Variants in DIPK1B observed in about 807,000 individuals in gnomAD.
DIPK1B encodes the protein family with sequence similarity 69 member B.
In DIPK1B, 17 loss-of-function variants were observed where a neutral mutation model predicts 20.7. The observed-to-expected ratio is 0.82, with a 90% CI of 0.56 to 1.23. The LOEUF is 1.23. Among genes scored for constraint, DIPK1B ranks in the 50% most tolerant of loss-of-function variants. DIPK1B has a pLI of 0.00. For synonymous variants in DIPK1B, 343 were observed against 276.5 expected, an observed-to-expected ratio of 1.24 and a Z score of -2.39; for missense variants, 648 against 601.8, an observed-to-expected ratio of 1.08 and a Z score of -0.80.
At position 136,723,384 on chromosome 9, in the gene DIPK1B, C is replaced by T. The variant is rs6874; in HGVS notation, c.906C>T (p.Asn302=). Reference sequence around the variant, plus strand: ...ACATGTGTGAGACCACACTGGCCAACGTGGGCTACACAGCCACCTACGACT... The same window carrying T: ...ACATGTGTGAGACCACACTGGCCAATGTGGGCTACACAGCCACCTACGACT... ...TFYMCETTLA[N]VGYTATYDFK... is the part of the protein sequence containing the mutation. The change falls in exon 5 of 5, where the codon AAC becomes AAT. Residue 302 remains asparagine, a synonymous_variant. Coordinates refer to ENST00000371692, the MANE Select transcript of DIPK1B (RefSeq NM_152421.4). 0.11 allele frequency: 177,573 copies of T among 1,613,244 alleles called. 10,510 individuals carry two copies. Among genetic ancestry groups the T allele is most frequent in the Non-Finnish European group, 0.12 (145,130 of 1,179,798 alleles).
chr9:136,717,542 G>A lies in DIPK1B; in HGVS notation c.64-35G>A, dbSNP rs751504576. 1.4e-5 allele frequency: 23 copies of A among 1,588,164 alleles called. No individual in the cohort carries two copies. In the East Asian group the frequency reaches 2.3e-4, roughly 16 times the overall value. Reference sequence around the variant, plus strand: ...AGAGCACCCTGAGCCTGGGTGCCCCGAGGGCACCTCCTCACGCAGCCCCTT... The same window carrying A: ...AGAGCACCCTGAGCCTGGGTGCCCCAAGGGCACCTCCTCACGCAGCCCCTT... On this transcript the variant is annotated intron_variant, in intron 1 of 4. Transcript: ENST00000371692.
chr9:136,720,499 ATCCC>A (rs1846581468), intron 2 of DIPK1B, among the ~76,000 whole-genome samples: 2 of 151,942 alleles, frequency 1.3e-5, no homozygotes, highest in Admixed American at 1.3e-4. Context: ...GGCCAGCTCC[ATCCC>A]TCCATCACCT....
In DIPK1B at chr9:136,723,657, G is replaced by A; in HGVS notation, c.1179G>A (p.Leu393=). The A allele has an allele frequency of 1.3e-6, 2 of 1,558,798 alleles. No individual in the cohort carries two copies. Among genetic ancestry groups the A allele is most frequent in the Non-Finnish European group, 8.7e-7 (1 of 1,154,878 alleles). ...ADLREELGTQ[L]RTCTTLSGLA... ...TCCGCGAGGAGCTGGGCACACAGCT[G>A]CGCACCTGTACCACGCTGAGCGGGC... The change falls in exon 5 of 5, where the codon CTG becomes CTA. Residue 393 remains leucine (L), a synonymous_variant. Coordinates refer to ENST00000371692, the MANE Select transcript of DIPK1B (RefSeq NM_152421.4).
rs1214132520 is a variant in DIPK1B, at chr9:136,712,709, C to G, written c.44C>G (p.Pro15Arg). The change falls in exon 1 of 5, where the codon CCC becomes CGC. Residue 15 changes from proline (P) to arginine (R), a missense_variant. Pro to Arg is a moderately radical substitution (Grantham distance 103). Transcript: ENST00000371692. The surrounding 1 kb of genome is among the most constrained non-coding windows in gnomAD (Gnocchi z 5.6). ...CTGGCGCACCTGGTGCTCTTCTGCC[C>G]CTTCTCCAAGCGCCTGCAGGTAAGC... ...RRLAHLVLFC[P>R]FSKRLQGRLP... 65 of 1,368,846 alleles carry G rather than the reference C, an allele frequency of 4.7e-5. No homozygotes were observed. Among genetic ancestry groups the G allele is most frequent in the Non-Finnish European group, 5.8e-5 (62 of 1,062,388 alleles). The allele number at this position is 1,368,846 out of a possible 1,614,324, so 84.8% of individuals were successfully genotyped here. A position where few individuals can be genotyped will look rare whatever the true frequency, so the allele number is the denominator to read the frequency against.
At chr9:136,715,062 G>C (rs1846477643) in intron 1 of DIPK1B, among the ~76,000 whole-genome samples, 1 of 152,260 alleles carries the variant, frequency 6.6e-6, no homozygotes, top group Non-Finnish European at 1.5e-5. Flanking sequence ...GTGGGGGTGT[G>C]GCCAGGCGCT....
Position 136,723,934 on chromosome 9 carries a change from C to A in DIPK1B, c.*160C>A. On this transcript the variant is annotated 3_prime_UTR_variant, in exon 5 of 5. Transcript: ENST00000371692. ...GGATTCCAGCACCACAGACATGAGA[C>A]CCCAGCTCGGAGCAAAGGCGGACAT... The A allele has an allele frequency of 2.6e-6, 2 of 756,788 alleles. No individual in the cohort carries two copies. Among genetic ancestry groups the A allele is most frequent in the Non-Finnish European group, 4.2e-6 (2 of 479,438 alleles). 46.9% of individuals were successfully genotyped at this position (756,788 alleles called of 1,614,324 possible).
intron 4 of DIPK1B, 83 bp downstream of exon 4, chr9:136,722,384 C>A: frequency 1.4e-6 from 2 of 1,466,588 alleles, no homozygotes; most frequent in Non-Finnish European, 1.8e-6. Flanking sequence ...CCAACATGCC[C>A]AGCGCAAAGG....
intron 1 of DIPK1B, among the ~76,000 whole-genome samples, chr9:136,714,568 G>A (rs189098552): frequency 2.3e-4 from 35 of 152,326 alleles, no homozygotes; most frequent in Admixed American, 7.2e-4. Flanking sequence ...CCTTGGGCAC[G>A]TTCACCCCAG....
intron 2 of DIPK1B, chr9:136,721,608 T>G: frequency 9.5e-6 from 3 of 316,812 alleles, no homozygotes; most frequent in Non-Finnish European, 1.8e-5. Context: ...GGCCCTGGCG[T>G]GGGGTCGACA....
Position 136,712,630 on chromosome 9 carries a change from G to T in DIPK1B, c.-36G>T. 9.3e-7 allele frequency: 1 copy of T among 1,070,642 alleles called. No individual in the cohort carries two copies. The allele number at this position is 1,070,642 out of a possible 1,614,324, so 66.3% of individuals were successfully genotyped here. A position where few individuals can be genotyped will look rare whatever the true frequency, so the allele number is the denominator to read the frequency against. ...CCGGGCCGGGGCTGAGGCCGAGCGAGCCGCGGGGCCCGCGCAGCCCCGGCC... is the reference window on the plus strand; with the variant it reads ...CCGGGCCGGGGCTGAGGCCGAGCGATCCGCGGGGCCCGCGCAGCCCCGGCC... On this transcript the variant is annotated 5_prime_UTR_variant, in exon 1 of 5. Transcript: ENST00000371692. This position sits in a 1 kb window ranked among gnomAD's most constrained non-coding sequence, Gnocchi z 5.6.
chr9:136,723,891 C>T lies in DIPK1B; in HGVS notation c.*117C>T. ...ATGCAACTGTGTTGCAAAATCACTC[C>T]CCTACCGTCAGGGCTCTGGATTCCA... is the stretch of plus-strand genomic sequence containing the variant. On this transcript the variant is annotated 3_prime_UTR_variant, in exon 5 of 5. Coordinates refer to ENST00000371692, the MANE Select transcript of DIPK1B (RefSeq NM_152421.4). The T allele has an allele frequency of 1.8e-6, 2 of 1,083,578 alleles. No individual in the cohort carries two copies. The highest frequency in any genetic ancestry group is 2.6e-6 in the Non-Finnish European group (2 of 768,976). 67.1% of individuals were successfully genotyped at this position (1,083,578 alleles called of 1,614,324 possible).
intron 1 of DIPK1B, 47 bp from the exon 2 acceptor site, chr9:136,717,530 C>G (rs2131041690): frequency 1.9e-6 from 3 of 1,577,800 alleles, no homozygotes; most frequent in South Asian, 2.3e-5. Flanking sequence ...GCACCCTGAG[C>G]CTGGGTGCCC....
rs1564312956 is a variant in DIPK1B at position 136,724,531 on chromosome 9, A to G, written c.*757A>G. 1 of 152,270 alleles carries G rather than the reference A, an allele frequency of 6.6e-6. No homozygotes were observed. The highest frequency in any genetic ancestry group is 1.9e-4 in the East Asian group (1 of 5,196). 9.4% of individuals were successfully genotyped at this position (152,270 alleles called of 1,614,324 possible). ...GCAAGGACCCTCGTGGGAAGATCCC[A>G]CCACAGCAACACCTTTCTTCAGGGC... On this transcript the variant is annotated 3_prime_UTR_variant, in exon 5 of 5. Transcript: ENST00000371692.
At chr9:136,714,064 G>A (rs893932728) in intron 1 of DIPK1B, among the ~76,000 whole-genome samples, 1 of 152,234 alleles carries the variant, frequency 6.6e-6, no homozygotes, top group Admixed American at 6.5e-5. Context: ...CCGTCCATCT[G>A]TGCCAGGCCC....
Position 136,724,001 on chromosome 9 carries a change from C to T in DIPK1B, c.*227C>T. ...GAGTCCTCCAAGGGGGTTTGTTACT[C>T]TGAAGAACGTAATGTCAATAAACAG... On this transcript the variant is annotated 3_prime_UTR_variant, in exon 5 of 5. Coordinates refer to ENST00000371692, the MANE Select transcript of DIPK1B (RefSeq NM_152421.4). The T allele has an allele frequency of 1.7e-6, 1 of 582,196 alleles. No homozygotes were observed. The highest frequency in any genetic ancestry group is 3.1e-6 in the Non-Finnish European group (1 of 326,802). The allele number at this position is 582,196 out of a possible 1,614,324, so 36.1% of individuals were successfully genotyped here.
rs1846649416 is a variant in DIPK1B at position 136,723,410 on chromosome 9, T to TC, written c.933dup (p.Lys312GlnfsTer40). The TC allele has an allele frequency of 6.2e-7, 1 of 1,612,644 alleles. No homozygotes were observed. Among genetic ancestry groups the TC allele is most frequent in the Non-Finnish European group, 8.5e-7 (1 of 1,179,596 alleles). ...GTGGGCTACACAGCCACCTACGACT[T>TC]CAAGATGGCCGACCTGCAGCAGGTG... On this transcript the variant is annotated frameshift_variant, in exon 5 of 5. Transcript: ENST00000371692. LOFTEE classifies it low-confidence loss of function (END_TRUNC).
rs1032284418 is a variant in DIPK1B, at chr9:136,712,615, G to T, written c.-51G>T. On this transcript the variant is annotated 5_prime_UTR_variant, in exon 1 of 5. Coordinates refer to ENST00000371692, the MANE Select transcript of DIPK1B (RefSeq NM_152421.4). The surrounding 1 kb of genome is among the most constrained non-coding windows in gnomAD (Gnocchi z 5.6). ...CCGCTGCGGGCCGGGCCGGGCCGGG[G>T]CTGAGGCCGAGCGAGCCGCGGGGCC... The T allele has an allele frequency of 2.5e-5, 23 of 936,496 alleles. No individual in the cohort carries two copies. Among genetic ancestry groups the T allele is most frequent in the Non-Finnish European group, 2.7e-5 (21 of 778,046 alleles). The allele number at this position is 936,496 out of a possible 1,614,324, so 58.0% of individuals were successfully genotyped here.
intron 1 of DIPK1B, among the ~76,000 whole-genome samples, chr9:136,716,694 C>T (rs1287058983): frequency 6.6e-6 from 1 of 152,118 alleles, no homozygotes. Flanking sequence ...GCCACCATGC[C>T]CGGCCCGCCT....
rs560975491 is a variant in DIPK1B at position 136,720,697 on chromosome 9, G to T, written c.199-1224G>T. ...GCCCGGAGTCATTGTGGGGCCCCAG[G>T]GGTCCGTTTTCTCAGCCTTGACAAA... is the stretch of plus-strand genomic sequence containing the variant. On this transcript the variant is annotated intron_variant, in intron 2 of 4. Coordinates refer to ENST00000371692, the MANE Select transcript of DIPK1B (RefSeq NM_152421.4). 3.3e-5 allele frequency among the ~76,000 whole-genome samples: 5 copies of T among 152,324 alleles called. No individual in the cohort carries two copies. The East Asian group carries it at 9.7e-4, about 29-fold the overall frequency.
Sources: allele counts gnomAD v4.1 joint callset (sites outside exome capture counted in the v4.1 genomes callset), GRCh38; gene constraint gnomAD v4.1.1; non-coding constraint Gnocchi (gnomAD v3.1); transcripts MANE v1.5; gene names NCBI Gene and HGNC (gene_info 2026-07-23, HGNC 2026-07-21).